The following PIKFYVE variants were observed in gnomAD, a reference collection of about 807,000 sequenced individuals.
PIKFYVE encodes 1-phosphatidylinositol 3-phosphate 5-kinase.
A neutral mutation model predicts 257.9 loss-of-function variants in PIKFYVE; 122 were observed. The ratio of observed to expected loss-of-function variants is 0.47; its 90% CI spans 0.41 to 0.55. The LOEUF is 0.55. PIKFYVE is among the 20% of genes least tolerant of loss of function. The pLI is 0.00. For synonymous variants in PIKFYVE, 892 were observed against 868.9 expected (o/e 1.03, Z -0.47); for missense variants, 2,160 against 2,536.6 (o/e 0.85, Z 3.19).
chr2:208,354,467 A>G (rs1281906265), intron 40 of PIKFYVE, 104 bp from the exon 41 acceptor site: 3 of 1,117,006 alleles, frequency 2.7e-6, no homozygotes, highest in Non-Finnish European at 4.1e-6. Flanking sequence ...GCACTCAATA[A>G]AAGTTAACTG....
Position 208,314,328 on chromosome 2 carries a change from C to G in PIKFYVE, c.1731C>G (p.Ser577=). The change falls in exon 14 of 42, where the codon TCC becomes TCG. Residue 577 remains serine (S), a synonymous_variant. Transcript: ENST00000264380. ...TTAATCGCCGAGTAGAGGAAAAATC[C>G]AAAGAGCTGCCTTTCACACCTTTGG... is the stretch of plus-strand genomic sequence containing the variant. ...SLFNRRVEEK[S]KELPFTPLGW... is the part of the protein sequence containing the mutation. 1.9e-6 allele frequency: 3 copies of G among 1,613,688 alleles called. No homozygotes were observed. Among genetic ancestry groups the G allele is most frequent in the Non-Finnish European group, 2.5e-6 (3 of 1,179,726 alleles).
chr2:208,324,216 A>T lies in PIKFYVE; in HGVS notation c.2265A>T (p.Thr755=). ...CCACCTTGGTTCTTGTTGAGAAAAC[A>T]GTGTCTCGGATTGCCCAGGACATGT... ...VRPTLVLVEK[T]VSRIAQDMLL... Residue 755 remains threonine, a synonymous_variant, in exon 18 of 42, where the codon ACA becomes ACT. Transcript: ENST00000264380. The T allele has an allele frequency of 6.2e-7, 1 of 1,613,982 alleles. No individual in the cohort carries two copies. The highest frequency in any genetic ancestry group is 8.5e-7 in the Non-Finnish European group (1 of 1,179,876).
rs951756201 is a variant in PIKFYVE at position 208,298,839 on chromosome 2, C to T, written c.1050+60C>T. The T allele has an allele frequency of 1.9e-6, 3 of 1,597,576 alleles. No homozygotes were observed. In the African/African-American group the frequency reaches 4.0e-5, roughly 21 times the overall value. On this transcript the variant is annotated intron_variant, in intron 8 of 41. Coordinates refer to ENST00000264380, the MANE Select transcript of PIKFYVE (RefSeq NM_015040.4). ...TTGAGCATAGAGAATGTTCATGTGA[C>T]TGAGTCTTTTTTTTTCTTTTTGAGA...
chr2:208,349,883 C>T, intron 35 of PIKFYVE, 141 bp from the exon 36 acceptor site: 1 of 1,248,160 alleles, frequency 8.0e-7, no homozygotes, highest in South Asian at 1.6e-5. Flanking sequence ...ATATCTTATG[C>T]TTGCTTGATA....
At chr2:208,284,005 TA>T (rs1337525729) in intron 5 of PIKFYVE, among the ~76,000 whole-genome samples, 6 of 152,252 alleles carry the variant, frequency 3.9e-5, no homozygotes, top group Non-Finnish European at 7.3e-5. Flanking sequence ...AGAAGTCTTT[TA>T]TTTTGTATCA....
rs954914720 is a variant in PIKFYVE at position 208,298,523 on chromosome 2, T to C, written c.912-118T>C. ...TCATGCATAACCATCATAAGTACTT[T>C]TAAAAGTACCCTTAACATTGGTAAA... On this transcript the variant is annotated intron_variant, in intron 7 of 41. Transcript: ENST00000264380. 6.2e-6 allele frequency: 8 copies of C among 1,292,716 alleles called. No individual in the cohort carries two copies. The African/African-American group carries it at 8.8e-5, about 14-fold the overall frequency. The allele number at this position is 1,292,716 out of a possible 1,614,324, so 80.1% of individuals were successfully genotyped here.
At chr2:208,283,217 A>G (rs190324365) in intron 5 of PIKFYVE, among the ~76,000 whole-genome samples, 34 of 152,358 alleles carry the variant, frequency 2.2e-4, no homozygotes, top group Non-Finnish European at 2.9e-4. Context: ...AAAGGGATCA[A>G]TGAACAGTAA....
At chr2:208,277,407 CTTT>C (rs1690253118) in intron 4 of PIKFYVE, 127 bp from the exon 5 acceptor site, 1 of 955,084 alleles carries the variant, frequency 1.0e-6, no homozygotes, top group African/African-American at 1.6e-5. Flanking sequence ...TTATTTTGAC[CTTT>C]CGTATTCCCA....
rs1224344908 is a variant in PIKFYVE, at chr2:208,278,696, T to C, written c.613+988T>C. 2.0e-5 allele frequency among the ~76,000 whole-genome samples: 3 copies of C among 152,170 alleles called. No homozygotes were observed. The East Asian group carries it at 5.8e-4, about 29-fold the overall frequency. ...TTCTGTGTTAATTTACTTAGGATAA[T>C]GGCCTCCAGCTGCATCCATATTGCT... On this transcript the variant is annotated intron_variant, in intron 5 of 41. Coordinates refer to ENST00000264380, the MANE Select transcript of PIKFYVE (RefSeq NM_015040.4).
intron 41 of PIKFYVE, 135 bp from the exon 42 acceptor site, chr2:208,355,055 C>A: frequency 1.3e-6 from 1 of 742,928 alleles, no homozygotes; most frequent in Admixed American, 2.0e-5. Flanking sequence ...AACAGATAAC[C>A]TTTCCTGCCC....
At chr2:208,323,756 T>G (rs1305531215) in intron 17 of PIKFYVE, among the ~76,000 whole-genome samples, 1 of 152,186 alleles carries the variant, frequency 6.6e-6, no homozygotes, top group Non-Finnish European at 1.5e-5. Flanking sequence ...TTTCTCCACA[T>G]CCTCTCCAGC....
intron 9 of PIKFYVE, 113 bp downstream of exon 9, chr2:208,301,207 T>TA: frequency 7.5e-7 from 1 of 1,333,654 alleles, no homozygotes; most frequent in Non-Finnish European, 1.0e-6. Flanking sequence ...CTCTTTGTTT[T>TA]ATGTAATTGA....
intron 23 of PIKFYVE, among the ~76,000 whole-genome samples, chr2:208,331,830 A>G (rs898309761): frequency 6.6e-6 from 1 of 152,200 alleles, no homozygotes; most frequent in Non-Finnish European, 1.5e-5. Context: ...ATTTCTAGCA[A>G]TTCTCAGTCT....
At chr2:208,337,764 C>T (rs1332810556) in intron 28 of PIKFYVE, among the ~76,000 whole-genome samples, 1 of 152,096 alleles carries the variant, frequency 6.6e-6, no homozygotes, top group East Asian at 1.9e-4. Context: ...CTCTGTCGTG[C>T]ATGCTGGAGT....
intron 15 of PIKFYVE, among the ~76,000 whole-genome samples, chr2:208,316,665 G>A (rs1249280318): frequency 5.9e-5 from 9 of 152,156 alleles, no homozygotes; most frequent in South Asian, 4.1e-4. Flanking sequence ...AAAAGAGCCC[G>A]CATCGCCAAG....
Position 208,273,682 on chromosome 2 carries a change from C to T in PIKFYVE, c.271C>T (p.Pro91Ser), listed in dbSNP as rs1166448561. The part of the protein sequence containing the change: ...SRTQSVRSPT[P>S]YKKQLNEELQ... ...GACACAGTCTGTTAGGTCACCCACA[C>T]CTTATAAAAAGCAGCTTAATGAGGA... Residue 91 changes from proline to serine, a missense_variant, in exon 3 of 42, where the codon CCT becomes TCT. Around this residue, in one of 12 missense-constraint regions of PIKFYVE, gnomAD observed 172 missense variants for 180.6 expected, o/e 0.95. Coordinates refer to ENST00000264380, the MANE Select transcript of PIKFYVE (RefSeq NM_015040.4). 6.2e-7 allele frequency: 1 copy of T among 1,614,108 alleles called. No homozygotes were observed. Among genetic ancestry groups the T allele is most frequent in the South Asian group, 1.1e-5 (1 of 91,082 alleles).
At position 208,276,622 on chromosome 2, in the gene PIKFYVE, A is replaced by G. The variant is rs912724743; in HGVS notation, c.323-90A>G. 92 of 921,682 alleles carry G rather than the reference A, an allele frequency of 1.0e-4. No individual in the cohort carries two copies. In the East Asian group the frequency reaches 1.8e-3, roughly 18 times the overall value. The allele number at this position is 921,682 out of a possible 1,614,324, so 57.1% of individuals were successfully genotyped here. On this transcript the variant is annotated intron_variant, in intron 3 of 41. Coordinates refer to ENST00000264380, the MANE Select transcript of PIKFYVE (RefSeq NM_015040.4). ...GGGAGAACATAATTATATGCCAACA[A>G]TAAGAGGCAGTTTCCATCACATATA...
At chr2:208,343,900 C>T (rs1449222957) in intron 32 of PIKFYVE, among the ~76,000 whole-genome samples, 1 of 149,266 alleles carries the variant, frequency 6.7e-6, no homozygotes, top group African/African-American at 2.5e-5. Context: ...GGTGTGATCT[C>T]GGCTCACTGC....
Position 208,339,481 on chromosome 2 carries a change from C to G in PIKFYVE, c.4736C>G (p.Pro1579Arg), listed in dbSNP as rs771542665. 13 of 1,613,994 alleles carry G rather than the reference C, an allele frequency of 8.1e-6. No homozygotes were observed. The highest frequency in any genetic ancestry group is 1.1e-5 in the Non-Finnish European group (13 of 1,180,018). The part of the protein sequence containing the change: ...SSTSSTHLQL[P>R]TPPEVMSEQS... ...ACCAGTTCTACTCATCTCCAATTGC[C>G]TACGCCACCTGAAGTCATGTCTGAA... Residue 1579 changes from proline to arginine, a missense_variant, in exon 30 of 42, where the codon CCT becomes CGT. Around this residue, in one of 12 missense-constraint regions of PIKFYVE, gnomAD observed 699 missense variants for 855.8 expected, o/e 0.82. Coordinates refer to ENST00000264380, the MANE Select transcript of PIKFYVE (RefSeq NM_015040.4).
Sources: allele counts gnomAD v4.1 joint callset (sites outside exome capture counted in the v4.1 genomes callset), GRCh38; gene constraint gnomAD v4.1.1; regional missense constraint gnomAD v4.1.1; transcripts MANE v1.5; gene names NCBI Gene and HGNC (gene_info 2026-07-23, HGNC 2026-07-21).